The following SLC27A6 variants were observed in gnomAD, a reference collection of about 807,000 sequenced individuals.
The protein encoded by SLC27A6 is solute carrier family 27 member 6, also known as long-chain fatty acid transport protein 6.
Under a neutral mutation model 63.9 loss-of-function variants are expected in SLC27A6, and 74 were observed. That is an observed-to-expected ratio of 1.16 (90% confidence interval 0.96 to 1.40). The LOEUF is 1.40. SLC27A6 is among the 40% of genes most tolerant of loss of function. The pLI is 0.00. For missense variants in SLC27A6, 794 were observed against 732.9 expected, an observed-to-expected ratio of 1.08 and a Z score of -0.96; for synonymous variants, 287 against 260.8, an observed-to-expected ratio of 1.10 and a Z score of -0.97.
intron 1 of SLC27A6, among the ~76,000 whole-genome samples, chr5:128,973,498 C>A (rs995940902): frequency 1.1e-4 from 16 of 152,178 alleles, no homozygotes; most frequent in Admixed American, 3.3e-4. Flanking sequence ...CCTCCCCTAG[C>A]CTTGCTGCCA....
intron 2 of SLC27A6, among the ~76,000 whole-genome samples, chr5:128,987,906 A>G (rs1292896939): frequency 6.6e-6 from 1 of 152,174 alleles, no homozygotes; most frequent in Non-Finnish European, 1.5e-5. Context: ...ATCTAGAACT[A>G]TAAGACCTGA....
At chr5:128,992,080 T>C (rs1328604390) in intron 4 of SLC27A6, among the ~76,000 whole-genome samples, 1 of 151,660 alleles carries the variant, frequency 6.6e-6, no homozygotes, top group Non-Finnish European at 1.5e-5. Context: ...CAGATCCACA[T>C]CAGCCCCTTC....
chr5:129,005,398 G>A (rs915231005), intron 4 of SLC27A6, among the ~76,000 whole-genome samples: 2 of 152,124 alleles, frequency 1.3e-5, no homozygotes, highest in African/African-American at 4.8e-5. Context: ...TTAACCAGAC[G>A]ATGCTTAACT....
At position 129,027,325 on chromosome 5, in the gene SLC27A6, C is replaced by T. The variant is rs1002639481; in HGVS notation, c.1448C>T (p.Thr483Ile). ...TATTTTTGGGACCGTACTGGAGACA[C>T]TTTCAGGTATGAAATGTTATGGGAT... ...FLYFWDRTGD[T>I]FRWKGENVAT... Residue 483 changes from threonine to isoleucine, a missense_variant, in exon 7 of 10, where the codon ACT (threonine) becomes ATT (isoleucine). Thr to Ile is a moderately conservative substitution (Grantham distance 89). Coordinates refer to ENST00000262462, the MANE Select transcript of SLC27A6 (RefSeq NM_001017372.3). 2 of 1,608,366 alleles carry T rather than the reference C, an allele frequency of 1.2e-6. No individual in the cohort carries two copies. The highest frequency in any genetic ancestry group is 1.7e-5 in the Admixed American group (1 of 59,864).
intron 1 of SLC27A6, among the ~76,000 whole-genome samples, chr5:128,976,966 G>A (rs1750411729): frequency 6.6e-6 from 1 of 152,156 alleles, no homozygotes; most frequent in African/African-American, 2.4e-5. Context: ...CTGAAGCCTT[G>A]TGGGTGCCTA....
At chr5:129,022,042 G>T (rs185904377) in intron 5 of SLC27A6, among the ~76,000 whole-genome samples, 1 of 152,260 alleles carries the variant, frequency 6.6e-6, no homozygotes, top group Non-Finnish European at 1.5e-5. Context: ...TTTTTGTTTG[G>T]CCAAGATGAT....
intron 1 of SLC27A6, among the ~76,000 whole-genome samples, chr5:128,970,806 G>T (rs1750122918): frequency 7.1e-6 from 1 of 139,930 alleles, no homozygotes; most frequent in Non-Finnish European, 1.6e-5. Flanking sequence ...GCTAGCTTTT[G>T]AATGTTTTTC....
chr5:128,976,161 A>G (rs1750370143), intron 1 of SLC27A6, among the ~76,000 whole-genome samples: 1 of 152,212 alleles, frequency 6.6e-6, no homozygotes, highest in African/African-American at 2.4e-5. Flanking sequence ...GTAAGATAAT[A>G]AAAGTTCACA....
At chr5:129,009,774 A>G (rs371344353) in intron 4 of SLC27A6, among the ~76,000 whole-genome samples, 62 of 152,106 alleles carry the variant, frequency 4.1e-4, no homozygotes, top group African/African-American at 1.5e-3. Context: ...CCCTGGGTTC[A>G]AGCAATTCTC....
At chr5:129,004,005 G>A (rs561007160) in intron 4 of SLC27A6, among the ~76,000 whole-genome samples, 1 of 145,758 alleles carries the variant, frequency 6.9e-6, no homozygotes, top group Non-Finnish European at 1.5e-5. Context: ...CAAACTCAAA[G>A]TTAAGCAGAT....
chr5:128,982,112 C>T (rs1285032116), intron 1 of SLC27A6, among the ~76,000 whole-genome samples: 1 of 152,120 alleles, frequency 6.6e-6, no homozygotes, highest in Non-Finnish European at 1.5e-5. Flanking sequence ...CCACGCCTGG[C>T]CAAGATTCAT....
chr5:129,025,733 G>A (rs534363026), intron 6 of SLC27A6, among the ~76,000 whole-genome samples: 1 of 152,182 alleles, frequency 6.6e-6, no homozygotes, highest in African/African-American at 2.4e-5. Context: ...TGATGATGAT[G>A]ATGATGATGA....
chr5:128,981,669 G>T (rs1321296213), intron 1 of SLC27A6, among the ~76,000 whole-genome samples: 1 of 152,010 alleles, frequency 6.6e-6, no homozygotes, highest in Non-Finnish European at 1.5e-5. Flanking sequence ...AATTCTACAG[G>T]TATCAATGGT....
intron 4 of SLC27A6, among the ~76,000 whole-genome samples, chr5:129,000,965 T>C (rs1188344782): frequency 2.0e-5 from 3 of 152,204 alleles, no homozygotes; most frequent in Non-Finnish European, 4.4e-5. Context: ...TGTACTATTA[T>C]GTCTGGAAAA....
chr5:129,000,496 C>A, intron 4 of SLC27A6, among the ~76,000 whole-genome samples: 1 of 152,242 alleles, frequency 6.6e-6, no homozygotes, highest in Non-Finnish European at 1.5e-5. Flanking sequence ...CTCAGACCTG[C>A]AAGGAAAGCT....
chr5:129,029,851 T>C, intron 9 of SLC27A6, 144 bp downstream of exon 9: 1 of 654,102 alleles, frequency 1.5e-6, no homozygotes, highest in Non-Finnish European at 2.5e-6. Flanking sequence ...ATCGATGCCA[T>C]GTTTGAAGCC....
chr5:129,016,424 A>G (rs1751899566), intron 5 of SLC27A6, among the ~76,000 whole-genome samples: 2 of 147,000 alleles, frequency 1.4e-5, no homozygotes, highest in South Asian at 2.2e-4. Flanking sequence ...AAAAAGGAGC[A>G]CCTTGTGGTC....
chr5:129,019,949 AAC>A (rs1752022643), intron 5 of SLC27A6, among the ~76,000 whole-genome samples: 1 of 152,066 alleles, frequency 6.6e-6, no homozygotes, highest in African/African-American at 2.4e-5. Flanking sequence ...TTAAGGTAAA[AAC>A]TTGAATCTTT....
chr5:128,976,696 G>A (rs919425041), intron 1 of SLC27A6, among the ~76,000 whole-genome samples: 1 of 99,142 alleles, frequency 1.0e-5, no homozygotes, highest in Non-Finnish European at 2.4e-5. Flanking sequence ...CACCATTTCA[G>A]TGTAACAGTT....
Sources: gnomAD v4.1 joint callset for allele counts (sites outside exome capture counted in the v4.1 genomes callset) on GRCh38, gnomAD v4.1.1 for gene constraint, MANE v1.5 for transcripts, NCBI Gene and HGNC (gene_info 2026-07-23, HGNC 2026-07-21) for gene names.